Variants in MAPKAPK3 observed in about 807,000 individuals in gnomAD.
MAPKAPK3 encodes the protein MAPK activated protein kinase 3, also known as MAP kinase-activated protein kinase 3.
MAPKAPK3 carries 35 observed loss-of-function variants against 49.2 expected under a neutral mutation model. The observed-to-expected ratio is 0.71, with a 90% confidence interval of 0.54 to 0.94. The LOEUF (loss-of-function observed/expected upper bound fraction) is 0.94. MAPKAPK3 is among the 40% of genes least tolerant of loss of function. The probability of loss-of-function intolerance (pLI) is 0.00; values close to 1 mark genes in which losing one functional copy is unlikely to be tolerated. For synonymous variants in MAPKAPK3, 178 were observed against 188.7 expected (o/e 0.94, Z 0.46); for missense variants, 398 against 493.1 (o/e 0.81, Z 1.83).
rs751303152 is a variant in MAPKAPK3, at chr3:50,617,794, C to G, written c.219+10C>G. On this transcript the variant is annotated intron_variant, in intron 2 of 10. Transcript: ENST00000621469. ...GAAGTGTGCCCTGAAGGTCAGTGAG[C>G]CCTCACTGAGGCCTGGGGTATCCTG... 4 of 1,601,896 alleles carry G rather than the reference C, an allele frequency of 2.5e-6. No individual in the cohort carries two copies. The highest frequency in any genetic ancestry group is 1.7e-4 in the Middle Eastern group (1 of 5,744).
upstream of MAPKAPK3, among the ~76,000 whole-genome samples, chr3:50,615,831 C>G (rs2032453129): frequency 6.6e-6 from 1 of 152,262 alleles, no homozygotes; most frequent in African/African-American, 2.4e-5. Flanking sequence ...CATCTCCACT[C>G]AACATCTGCA....
At chr3:50,639,353 G>A (rs556965782) in intron 2 of MAPKAPK3, among the ~76,000 whole-genome samples, 1 of 152,222 alleles carries the variant, frequency 6.6e-6, no homozygotes, top group South Asian at 2.1e-4. Context: ...CTCTACCTCT[G>A]GGTCCTTACC....
At chr3:50,631,285 T>A (rs190661769) in intron 2 of MAPKAPK3, among the ~76,000 whole-genome samples, 1 of 152,290 alleles carries the variant, frequency 6.6e-6, no homozygotes, top group African/African-American at 2.4e-5. Context: ...TACACTACCT[T>A]CCAGCTCTCC....
chr3:50,646,830 G>A lies in MAPKAPK3; in HGVS notation c.915+5G>A. The stretch of plus-strand genomic sequence containing the variant: ...ATGAACCACCCCTGGATCAACGTGA[G>A]CCCCTCCTCCTCCCATGGCAGGCAG... On this transcript the variant is annotated splice_donor_5th_base_variant and intron_variant, in intron 9 of 10. Coordinates refer to ENST00000621469, the MANE Select transcript of MAPKAPK3 (RefSeq NM_001243925.2). 6.2e-7 allele frequency: 1 copy of A among 1,613,864 alleles called. No homozygotes were observed. Among genetic ancestry groups the A allele is most frequent in the Non-Finnish European group, 8.5e-7 (1 of 1,179,842 alleles).
intron 5 of MAPKAPK3, 55 bp downstream of exon 5, chr3:50,642,387 C>A: frequency 7.5e-7 from 1 of 1,332,294 alleles, no homozygotes; most frequent in Non-Finnish European, 1.1e-6. Flanking sequence ...TGTCCCACTC[C>A]ACAATCCCTG....
At chr3:50,621,498 T>C (rs2032607836) in intron 2 of MAPKAPK3, among the ~76,000 whole-genome samples, 1 of 150,524 alleles carries the variant, frequency 6.6e-6, no homozygotes, top group African/African-American at 2.5e-5. Context: ...CTGGGGAGAC[T>C]GAGGCAGGAG....
intron 2 of MAPKAPK3, among the ~76,000 whole-genome samples, chr3:50,634,803 C>G (rs2032996359): frequency 6.6e-6 from 1 of 152,166 alleles, no homozygotes; most frequent in Admixed American, 6.5e-5. Context: ...TTCCTATCTT[C>G]TTGTCTTCCC....
intron 3 of MAPKAPK3, 55 bp downstream of exon 3, chr3:50,640,560 C>T (rs2033156119): frequency 3.2e-6 from 5 of 1,546,186 alleles, no homozygotes; most frequent in Non-Finnish European, 4.4e-6. Context: ...GGCCCTCAGG[C>T]TCCCTGCCAC....
At position 50,646,130 on chromosome 3, in the gene MAPKAPK3, C is replaced by A. The variant is rs370821804; in HGVS notation, c.705-10C>A. 3 of 1,612,228 alleles carry A rather than the reference C, an allele frequency of 1.9e-6. No individual in the cohort carries two copies. The African/African-American group carries it at 4.0e-5, about 22-fold the overall frequency. On this transcript the variant is annotated splice_polypyrimidine_tract_variant and intron_variant, in intron 7 of 10. Transcript: ENST00000621469. The stretch of plus-strand genomic sequence containing the variant: ...CCACCCTATGCCAAATGACTTACCC[C>A]TTCCCCCAGCCTTTGTGGCTTCCCA...
At chr3:50,636,784 C>G (rs187662877) in intron 2 of MAPKAPK3, among the ~76,000 whole-genome samples, 1 of 152,026 alleles carries the variant, frequency 6.6e-6, no homozygotes, top group African/African-American at 2.4e-5. Flanking sequence ...AACTGAGGCT[C>G]TAGGAGGTTT....
intron 2 of MAPKAPK3, among the ~76,000 whole-genome samples, chr3:50,637,230 G>C (rs1453267860): frequency 6.6e-6 from 1 of 152,118 alleles, no homozygotes; most frequent in Non-Finnish European, 1.5e-5. Flanking sequence ...TCCTTTGTTT[G>C]CTCGGAAGCC....
At chr3:50,643,054 G>A (rs1276780957) in intron 5 of MAPKAPK3, among the ~76,000 whole-genome samples, 5 of 152,166 alleles carry the variant, frequency 3.3e-5, no homozygotes, top group African/African-American at 1.2e-4. Context: ...GTTTCACCAT[G>A]TTAGGCAGGT....
At chr3:50,644,645 G>A in intron 6 of MAPKAPK3, 113 bp downstream of exon 6, 1 of 1,175,678 alleles carries the variant, frequency 8.5e-7, no homozygotes, top group Non-Finnish European at 1.2e-6. Context: ...AGGAGGGAGG[G>A]GGAGAATTCT....
At chr3:50,616,674 C>A (rs989444278), upstream of MAPKAPK3, among the ~76,000 whole-genome samples, 2 of 152,070 alleles carry the variant, frequency 1.3e-5, no homozygotes, top group African/African-American at 4.8e-5. Flanking sequence ...TAAAGAGTGG[C>A]GAATTCAACA....
intron 3 of MAPKAPK3, 126 bp from the exon 4 acceptor site, chr3:50,641,581 G>A: frequency 1.3e-6 from 1 of 769,594 alleles, no homozygotes; most frequent in East Asian, 2.6e-5. Context: ...GAGGCTGACA[G>A]TGGCTGTTCA....
intron 2 of MAPKAPK3, among the ~76,000 whole-genome samples, chr3:50,623,283 G>A (rs1211022848): frequency 2.0e-5 from 3 of 152,224 alleles, no homozygotes; most frequent in Non-Finnish European, 4.4e-5. Flanking sequence ...AGTGTTAACT[G>A]CCAGGGATGA....
At position 50,645,843 on chromosome 3, in the gene MAPKAPK3, C is replaced by T. The variant is rs1208903865; in HGVS notation, c.704+58C>T. The T allele has an allele frequency of 4.7e-6, 7 of 1,482,458 alleles. No individual in the cohort carries two copies. In the African/African-American group the frequency reaches 8.3e-5, roughly 18 times the overall value. 91.8% of individuals were successfully genotyped at this position (1,482,458 alleles called of 1,614,324 possible). ...CCTGCCCTTACCCCCACTGTGAGCCCTCAGGACCACTTCTGTCCCCCCACC... is the reference window on the plus strand; with the variant it reads ...CCTGCCCTTACCCCCACTGTGAGCCTTCAGGACCACTTCTGTCCCCCCACC... On this transcript the variant is annotated intron_variant, in intron 7 of 10. Transcript: ENST00000621469.
chr3:50,630,754 A>G (rs752184091), intron 2 of MAPKAPK3, among the ~76,000 whole-genome samples: 1 of 152,206 alleles, frequency 6.6e-6, no homozygotes, highest in Non-Finnish European at 1.5e-5. Flanking sequence ...TGAAGCAGCT[A>G]TACATGGTCC....
chr3:50,618,732 C>G (rs2032535174), intron 2 of MAPKAPK3, among the ~76,000 whole-genome samples: 1 of 152,168 alleles, frequency 6.6e-6, no homozygotes, highest in Admixed American at 6.5e-5. Context: ...ACTCTGTCGC[C>G]AGGCTGGAGT....
Sources: allele counts gnomAD v4.1 joint callset (sites outside exome capture counted in the v4.1 genomes callset), GRCh38; gene constraint gnomAD v4.1.1; transcripts MANE v1.5; gene names NCBI Gene and HGNC (gene_info 2026-07-23, HGNC 2026-07-21).